The following NCAPG variants were observed in gnomAD, a reference collection of about 807,000 sequenced individuals.
NCAPG encodes the protein condensin complex subunit 3.
NCAPG carries 69 observed loss-of-function variants against 113.1 expected under a neutral mutation model. The observed-to-expected ratio is 0.61, with a 90% CI of 0.50 to 0.75. NCAPG has a LOEUF of 0.75. NCAPG is among the 30% of genes least tolerant of loss of function. The probability of loss-of-function intolerance (pLI) is 0.00; values close to 1 mark genes in which losing one functional copy is unlikely to be tolerated. For missense variants in NCAPG, 1,058 were observed against 1,177.0 expected, an observed-to-expected ratio of 0.90 and a Z score of 1.48; for synonymous variants, 370 against 415.8, an observed-to-expected ratio of 0.89 and a Z score of 1.34.
chr4:17,823,705 C>T lies in NCAPG; in HGVS notation c.1318C>T (p.Leu440=). Residue 440 remains leucine, a synonymous_variant, in exon 9 of 21, where the codon CTG becomes TTG. Coordinates refer to ENST00000251496, the MANE Select transcript of NCAPG (RefSeq NM_022346.5). ...ILILPTIPIS[L]VSFLVERLLH... The stretch of plus-strand genomic sequence containing the variant: ...TATTTTACCCACAATCCCAATATCC[C>T]TGGTTTCTTTTCTTGTTGAAAGACT... 2 of 1,609,042 alleles carry T rather than the reference C, an allele frequency of 1.2e-6. No homozygotes were observed. Among genetic ancestry groups the T allele is most frequent in the South Asian group, 1.1e-5 (1 of 90,894 alleles).
At chr4:17,842,547 T>C (rs962489455) in intron 20 of NCAPG, 168 bp downstream of exon 20, 5 of 581,110 alleles carry the variant, frequency 8.6e-6, no homozygotes, top group African/African-American at 7.6e-5. Context: ...TCAAGAGCAT[T>C]TGACTTCTTA....
chr4:17,824,730 ACTGT>A (rs574855889), intron 9 of NCAPG, among the ~76,000 whole-genome samples: 18 of 152,042 alleles, frequency 1.2e-4, no homozygotes, highest in Non-Finnish European at 2.4e-4. Flanking sequence ...ATTTACTTTC[ACTGT>A]CTGTGTGCCT....
In NCAPG at chr4:17,822,902, C is replaced by T; in HGVS notation, c.1119-81C>T. ...AGACGAATATGACCTGAAAATGGCCCTTTTCTGACCTAATGGTGGGAATCA... is the reference window on the plus strand; with the variant it reads ...AGACGAATATGACCTGAAAATGGCCTTTTTCTGACCTAATGGTGGGAATCA... On this transcript the variant is annotated intron_variant, in intron 7 of 20. Transcript: ENST00000251496. 5.8e-6 allele frequency: 7 copies of T among 1,214,846 alleles called. No homozygotes were observed. In the South Asian group the frequency reaches 1.0e-4, roughly 18 times the overall value. The allele number at this position is 1,214,846 out of a possible 1,614,324, so 75.3% of individuals were successfully genotyped here. A position where few individuals can be genotyped will look rare whatever the true frequency, so the allele number is the denominator to read the frequency against.
chr4:17,839,879 A>G (rs775844821), intron 17 of NCAPG, 42 bp downstream of exon 17: 3 of 1,538,558 alleles, frequency 1.9e-6, no homozygotes, highest in Non-Finnish European at 2.6e-6. Context: ...TTGTGTTTAT[A>G]TTTATACATG....
chr4:17,825,300 T>C lies in NCAPG; in HGVS notation c.1474-82T>C. On this transcript the variant is annotated intron_variant, in intron 10 of 20. Transcript: ENST00000251496. ...CATTAAATTCTGGGCAGTTGAGATA[T>C]TAAATAATACTCCTGAGTTGCTACA... is the stretch of plus-strand genomic sequence containing the variant. 3.2e-6 allele frequency: 4 copies of C among 1,259,834 alleles called. No homozygotes were observed. In the South Asian group the frequency reaches 6.2e-5, roughly 20 times the overall value. The allele number at this position is 1,259,834 out of a possible 1,614,324, so 78.0% of individuals were successfully genotyped here.
At chr4:17,839,937 GACTT>G (rs1722277100) in intron 17 of NCAPG, 100 bp downstream of exon 17, 1 of 1,438,302 alleles carries the variant, frequency 7.0e-7, no homozygotes, top group African/African-American at 1.5e-5. Context: ...AGCATATTGT[GACTT>G]ATTTGAAGTA....
At chr4:17,830,019 A>C (rs1721798627) in intron 12 of NCAPG, among the ~76,000 whole-genome samples, 2 of 152,166 alleles carry the variant, frequency 1.3e-5, no homozygotes, top group Admixed American at 1.3e-4. Context: ...AAAAAGTGAG[A>C]GAAGATTGTT....
At chr4:17,826,572 T>C (rs1428556717) in intron 11 of NCAPG, among the ~76,000 whole-genome samples, 3 of 152,188 alleles carry the variant, frequency 2.0e-5, no homozygotes, top group African/African-American at 4.8e-5. Flanking sequence ...AATGACAAAC[T>C]TTAGGTCAAA....
chr4:17,834,215 AC>A (rs1721990165), intron 13 of NCAPG, 83 bp from the exon 14 acceptor site: 1 of 890,828 alleles, frequency 1.1e-6, no homozygotes, highest in Non-Finnish European at 1.6e-6. Flanking sequence ...TAAGAAAAAA[AC>A]AAGATACATA....
chr4:17,822,787 T>A (rs1260243821), intron 7 of NCAPG, among the ~76,000 whole-genome samples, 196 bp from the exon 8 acceptor site: 1 of 152,214 alleles, frequency 6.6e-6, no homozygotes, highest in Non-Finnish European at 1.5e-5. Flanking sequence ...CAAATTCTTT[T>A]GATTCATCAA....
intron 7 of NCAPG, among the ~76,000 whole-genome samples, chr4:17,821,798 T>A (rs1172628818): frequency 6.6e-6 from 1 of 151,982 alleles, no homozygotes; most frequent in African/African-American, 2.4e-5. Context: ...ACATTTTTGA[T>A]CAGGATTGTT....
chr4:17,827,820 T>C (rs999023512), intron 11 of NCAPG, among the ~76,000 whole-genome samples: 4 of 151,308 alleles, frequency 2.6e-5, no homozygotes, highest in African/African-American at 9.7e-5. Flanking sequence ...TTTTTTTTTT[T>C]TTTGAGACAA....
At chr4:17,838,109 C>T (rs773620008) in intron 16 of NCAPG, among the ~76,000 whole-genome samples, 62 of 152,274 alleles carry the variant, frequency 4.1e-4, no homozygotes, top group Non-Finnish European at 8.8e-4. Flanking sequence ...ACAGAGTCTT[C>T]AAATGTTGGC....
chr4:17,815,610 T>C (rs572475742), intron 5 of NCAPG, among the ~76,000 whole-genome samples: 9 of 152,308 alleles, frequency 5.9e-5, no homozygotes, highest in Non-Finnish European at 1.0e-4. Context: ...CTGCAACCTC[T>C]GCCTTCTAGT....
chr4:17,842,157 T>TA, intron 19 of NCAPG, 153 bp from the exon 20 acceptor site: 6 of 586,362 alleles, frequency 1.0e-5, no homozygotes, highest in Middle Eastern at 6.2e-4. Context: ...GTGGCAGTGA[T>TA]AACTGGTACC....
intron 14 of NCAPG, among the ~76,000 whole-genome samples, chr4:17,835,975 T>C (rs533868073): frequency 6.6e-6 from 1 of 152,228 alleles, no homozygotes; most frequent in Non-Finnish European, 1.5e-5. Context: ...TTCAATTCTT[T>C]TGGGTATCTG....
Position 17,834,433 on chromosome 4 carries a change from CAG to C in NCAPG, c.2020_2021del (p.Ser674Ter). The stretch of plus-strand genomic sequence containing the variant: ...TTCATTGTGAAGGTACAGAAATAAA[CAG>C]TGATGATGAGCAAGAATCAAAAGAA... ...TLHCEGTEIN[S>X]DDEQESKEVE... On this transcript the variant is annotated frameshift_variant, in exon 14 of 21. Coordinates refer to ENST00000251496, the MANE Select transcript of NCAPG (RefSeq NM_022346.5). LOFTEE classifies it high-confidence loss of function. The C allele has an allele frequency of 6.2e-6, 10 of 1,611,592 alleles. No homozygotes were observed. The highest frequency in any genetic ancestry group is 8.5e-6 in the Non-Finnish European group (10 of 1,178,752).
At position 17,839,919 on chromosome 4, in the gene NCAPG, CAT is replaced by C. The variant is rs529884012; in HGVS notation, c.2628+85_2628+86del. 62 of 1,439,944 alleles carry C rather than the reference CAT, an allele frequency of 4.3e-5. No homozygotes were observed. In the East Asian group the frequency reaches 9.5e-4, roughly 22 times the overall value. The allele number at this position is 1,439,944 out of a possible 1,614,324, so 89.2% of individuals were successfully genotyped here. ...ATTTACATGGTTGTATTAGATTATA[CAT>C]ATGTTAGCATATTGTGACTTATTTG... On this transcript the variant is annotated intron_variant, in intron 17 of 20. Transcript: ENST00000251496.
At chr4:17,813,321 C>A in intron 3 of NCAPG, 176 bp downstream of exon 3, 1 of 472,208 alleles carries the variant, frequency 2.1e-6, no homozygotes, top group Non-Finnish European at 3.7e-6. Flanking sequence ...AAAGTCAGTA[C>A]TTGCATCCTA....
Sources: allele counts gnomAD v4.1 joint callset (sites outside exome capture counted in the v4.1 genomes callset), GRCh38; gene constraint gnomAD v4.1.1; transcripts MANE v1.5; gene names NCBI Gene and HGNC (gene_info 2026-07-23, HGNC 2026-07-21).